Variants in OTUD7A observed in about 807,000 individuals in gnomAD.
OTUD7A encodes the protein OTU deubiquitinase 7A, also known as OTU domain-containing protein 7A.
OTUD7A carries 12 observed loss-of-function variants against 65.7 expected under a neutral mutation model. The observed-to-expected ratio is 0.18, with a 90% CI of 0.12 to 0.30. The LOEUF (loss-of-function observed/expected upper bound fraction) is 0.30. Ranked by LOEUF, OTUD7A falls within the 10% of genes least tolerant of loss-of-function variation. The probability of loss-of-function intolerance (pLI) is 1.00; values close to 1 mark genes in which losing one functional copy is unlikely to be tolerated. For synonymous variants in OTUD7A, 641 were observed against 586.3 expected (o/e 1.09, Z -1.35); for missense variants, 1,148 against 1,304.8 (o/e 0.88, Z 1.85).
chr15:31,544,455 G>T (rs936568326), intron 5 of OTUD7A, among the ~76,000 whole-genome samples: 10 of 151,630 alleles, frequency 6.6e-5, no homozygotes, highest in African/African-American at 2.4e-4. Context: ...ATGTGATAGA[G>T]AACTTACATG....
chr15:31,503,905 GC>G, intron 8 of OTUD7A, 87 bp from the exon 9 acceptor site: 1 of 1,497,696 alleles, frequency 6.7e-7, no homozygotes, highest in Non-Finnish European at 9.2e-7. Context: ...CAGGGGCTGA[GC>G]CCTCCCCACT....
intron 1 of OTUD7A, among the ~76,000 whole-genome samples, chr15:31,749,343 T>C (rs971424871): frequency 6.6e-6 from 1 of 152,200 alleles, no homozygotes; most frequent in African/African-American, 2.4e-5. Context: ...TGAGCTCTCG[T>C]ACACTGCTGG....
intron 1 of OTUD7A, among the ~76,000 whole-genome samples, chr15:31,832,596 C>T (rs557713214): frequency 2.0e-5 from 3 of 152,320 alleles, no homozygotes; most frequent in East Asian, 3.9e-4. Flanking sequence ...CATTAAACAA[C>T]AGCTCCACAT....
Position 31,484,663 on chromosome 15 carries a change from G to T in OTUD7A, c.1433C>A (p.Ala478Asp), listed in dbSNP as rs1389436597. The change falls in exon 13 of 13, where the codon GCC (alanine) becomes GAC (aspartate). Residue 478 changes from alanine to aspartate, a missense_variant. Transcript: ENST00000307050. The surrounding 1 kb of genome is among the most constrained non-coding windows in gnomAD (Gnocchi z 4.5). The part of the protein sequence containing the change: ...ASAGEDVQSL[A>D]DSLDSDRDSV... The stretch of plus-strand genomic sequence containing the variant: ...ATCGCGGTCCGAGTCCAGCGAGTCG[G>T]CCAGGGACTGCACGTCCTCCCCTGC... The T allele has an allele frequency of 8.2e-6, 13 of 1,581,466 alleles. No homozygotes were observed. The highest frequency in any genetic ancestry group is 1.8e-5 in the Admixed American group (1 of 56,274).
rs28841001 is a variant in OTUD7A at position 31,717,487 on chromosome 15, G to A, written c.-99-60410C>T. The stretch of plus-strand genomic sequence containing the variant: ...CTCCCACTTATGAGTGAGAACATGC[G>A]ATATTTGGTTTTCTGTTCCTGTGTT... On this transcript the variant is annotated intron_variant, in intron 1 of 12. Transcript: ENST00000307050. Among the ~76,000 whole-genome samples, 42 of 152,208 alleles carry A rather than the reference G, an allele frequency of 2.8e-4. No individual in the cohort carries two copies. In the South Asian group the frequency reaches 5.0e-3, roughly 18 times the overall value.
chr15:31,495,927 C>T (rs2041376199), intron 10 of OTUD7A, among the ~76,000 whole-genome samples: 1 of 151,860 alleles, frequency 6.6e-6, no homozygotes, highest in Non-Finnish European at 1.5e-5. Context: ...GTTAGCTGGG[C>T]TTGTGGCATG....
chr15:31,658,857 G>A (rs1360288281), intron 1 of OTUD7A, among the ~76,000 whole-genome samples: 3 of 148,410 alleles, frequency 2.0e-5, no homozygotes, highest in African/African-American at 7.5e-5. Flanking sequence ...GTGAAACCCC[G>A]TCTCTACTAA....
chr15:31,743,998 T>C (rs1181706296), intron 1 of OTUD7A, among the ~76,000 whole-genome samples: 1 of 152,152 alleles, frequency 6.6e-6, no homozygotes, highest in East Asian at 1.9e-4. Context: ...GTTCATAAAT[T>C]AGACATTTAG....
At chr15:31,863,040 T>C (rs1012959003) in intron 1 of OTUD7A, among the ~76,000 whole-genome samples, 3 of 152,158 alleles carry the variant, frequency 2.0e-5, no homozygotes, top group African/African-American at 4.8e-5. Context: ...AAGTCCAAAA[T>C]CCAGCAGGGC....
At chr15:31,843,409 C>T (rs1017102887) in intron 1 of OTUD7A, among the ~76,000 whole-genome samples, 1 of 151,212 alleles carries the variant, frequency 6.6e-6, no homozygotes, top group Non-Finnish European at 1.5e-5. Context: ...GGCAGTGATC[C>T]TTATTTCTTT....
intron 3 of OTUD7A, among the ~76,000 whole-genome samples, chr15:31,575,600 A>G (rs1889181351): frequency 6.6e-6 from 1 of 152,230 alleles, no homozygotes; most frequent in Non-Finnish European, 1.5e-5. Flanking sequence ...GAACTCTGTG[A>G]CATAGCTTGT....
chr15:31,674,417 A>G (rs138386124), intron 1 of OTUD7A, among the ~76,000 whole-genome samples: 1 of 152,338 alleles, frequency 6.6e-6, no homozygotes, highest in African/African-American at 2.4e-5. Flanking sequence ...AAATGAAGAT[A>G]CAAAAAATTG....
In OTUD7A at chr15:31,518,629, A is replaced by T. The variant is rs1426783109; in HGVS notation, c.893+7720T>A. 2.0e-5 allele frequency among the ~76,000 whole-genome samples: 3 copies of T among 152,198 alleles called. No individual in the cohort carries two copies. In the East Asian group the frequency reaches 5.8e-4, roughly 29 times the overall value. On this transcript the variant is annotated intron_variant, in intron 8 of 12. Coordinates refer to ENST00000307050, the MANE Select transcript of OTUD7A (RefSeq NM_001382637.1). ...TTTCCTCCTCCTGATGCATCCTGAG[A>T]CACCCACAGCACAGTAGGTGGGGAT... is the stretch of plus-strand genomic sequence containing the variant.
intron 1 of OTUD7A, among the ~76,000 whole-genome samples, chr15:31,791,072 G>A (rs545549672): frequency 2.0e-5 from 3 of 152,284 alleles, no homozygotes; most frequent in South Asian, 2.1e-4. Flanking sequence ...CTGTCGCCAG[G>A]CTGGAGTGCA....
chr15:31,581,354 G>T (rs1304005367), intron 3 of OTUD7A, among the ~76,000 whole-genome samples: 1 of 152,214 alleles, frequency 6.6e-6, no homozygotes, highest in African/African-American at 2.4e-5. Flanking sequence ...TCATTTTGGG[G>T]TCTGGAGGAT....
chr15:31,516,250 C>A (rs2041853259), intron 8 of OTUD7A, among the ~76,000 whole-genome samples: 1 of 152,210 alleles, frequency 6.6e-6, no homozygotes, highest in Non-Finnish European at 1.5e-5. Context: ...TAAGGCAGGG[C>A]CATTTTATTT....
At chr15:31,802,957 C>G (rs1288666197) in intron 1 of OTUD7A, among the ~76,000 whole-genome samples, 1 of 152,202 alleles carries the variant, frequency 6.6e-6, no homozygotes, top group Non-Finnish European at 1.5e-5. Context: ...TGAATTCACC[C>G]AGTCAGGAGG....
chr15:31,700,144 T>C (rs1893180695), intron 1 of OTUD7A, among the ~76,000 whole-genome samples: 1 of 151,884 alleles, frequency 6.6e-6, no homozygotes, highest in Admixed American at 6.6e-5. Flanking sequence ...TCCTTATACA[T>C]GGCACCATCG....
At chr15:31,721,212 T>C (rs1893729471) in intron 1 of OTUD7A, among the ~76,000 whole-genome samples, 1 of 152,298 alleles carries the variant, frequency 6.6e-6, no homozygotes, top group South Asian at 2.1e-4. Flanking sequence ...CACACATCTA[T>C]GTATCTATAT....
Sources: allele counts gnomAD v4.1 joint callset (sites outside exome capture counted in the v4.1 genomes callset), GRCh38; gene constraint gnomAD v4.1.1; non-coding constraint Gnocchi (gnomAD v3.1); transcripts MANE v1.5; gene names NCBI Gene and HGNC (gene_info 2026-07-23, HGNC 2026-07-21).